The following LSM6 variants were observed in gnomAD, a reference collection of about 807,000 sequenced individuals.
The protein encoded by LSM6 is U6 snRNA-associated Sm-like protein LSm6.
A neutral mutation model predicts 13.5 loss-of-function variants in LSM6; 2 were observed. The ratio of observed to expected loss-of-function variants is 0.15; its 90% confidence interval spans 0.06 to 0.47. The LOEUF (loss-of-function observed/expected upper bound fraction) is 0.47, where lower values mean the gene tolerates loss of function less well. Ranked by LOEUF, LSM6 falls within the 20% of genes least tolerant of loss-of-function variation. The pLI is 0.97. For missense variants in LSM6, 58 were observed against 96.4 expected (o/e 0.60, Z 1.67); for synonymous variants, 43 against 34.9 (o/e 1.23, Z -0.82).
At chr4:146,181,462 A>G (rs1311982494) in intron 1 of LSM6, 2 of 152,218 alleles carry the variant, frequency 1.3e-5, no homozygotes, top group African/African-American at 2.4e-5. Flanking sequence ...TGTTGAGCCC[A>G]GTAACCTAGA....
intron 1 of LSM6, among the ~76,000 whole-genome samples, chr4:146,178,957 A>C (rs1730172344): frequency 6.6e-6 from 1 of 152,208 alleles, no homozygotes; most frequent in Admixed American, 6.5e-5. Context: ...ATTGCTTATG[A>C]ATCTAACTCT....
intron 1 of LSM6, among the ~76,000 whole-genome samples, chr4:146,179,781 TAG>T (rs1453051491): frequency 6.6e-6 from 1 of 152,200 alleles, no homozygotes; most frequent in Non-Finnish European, 1.5e-5. Context: ...CTATGGAAAG[TAG>T]AGAGTGGAAC....
chr4:146,188,660 G>GT (rs1730400019), intron 3 of LSM6, among the ~76,000 whole-genome samples: 1 of 152,154 alleles, frequency 6.6e-6, no homozygotes, highest in Non-Finnish European at 1.5e-5. Flanking sequence ...TTTGGCCAAA[G>GT]TGACCCAAGC....
rs1175580375 is a variant in LSM6, at chr4:146,190,383, T to G, written c.*727T>G. The G allele has an allele frequency of 1.3e-5, 2 of 152,330 alleles. No homozygotes were observed. The highest frequency in any genetic ancestry group is 2.9e-5 in the Non-Finnish European group (2 of 68,128). The allele number at this position is 152,330 out of a possible 1,614,324, so 9.4% of individuals were successfully genotyped here. On this transcript the variant is annotated 3_prime_UTR_variant, in exon 4 of 4. Transcript: ENST00000296581. The stretch of plus-strand genomic sequence containing the variant: ...CCTTTCAGGAGCATTGGCATCAACG[T>G]TATTCTCTCAGTTTATGAACACAGT...
intron 1 of LSM6, among the ~76,000 whole-genome samples, chr4:146,181,495 G>A (rs1358493899): frequency 6.6e-6 from 1 of 152,136 alleles, no homozygotes; most frequent in Non-Finnish European, 1.5e-5. Flanking sequence ...TACAACTGCT[G>A]ATCCCGTGTG....
chr4:146,189,730 T>A lies in LSM6; in HGVS notation c.*74T>A, dbSNP rs1730428562. The A allele has an allele frequency of 2.2e-5, 24 of 1,089,370 alleles. 1 individual carries two copies. In the Middle Eastern group the frequency reaches 6.4e-4, roughly 29 times the overall value. 67.5% of individuals were successfully genotyped at this position (1,089,370 alleles called of 1,614,324 possible). A position where few individuals can be genotyped will look rare whatever the true frequency, so the allele number is the denominator to read the frequency against. ...AATTTTTTCTAATTTTTGCTTCTTTTGTGATACAATTTGTCCTCTTTTTAT... is the reference window on the plus strand; with the variant it reads ...AATTTTTTCTAATTTTTGCTTCTTTAGTGATACAATTTGTCCTCTTTTTAT... On this transcript the variant is annotated 3_prime_UTR_variant, in exon 4 of 4. Coordinates refer to ENST00000296581, the MANE Select transcript of LSM6 (RefSeq NM_007080.3).
chr4:146,188,477 A>G (rs1263593793), intron 3 of LSM6, among the ~76,000 whole-genome samples: 1 of 152,216 alleles, frequency 6.6e-6, no homozygotes, highest in Non-Finnish European at 1.5e-5. Context: ...TGATGTAATC[A>G]GTGACACTCA....
At position 146,187,405 on chromosome 4, in the gene LSM6, T is replaced by C. The variant is rs199699003; in HGVS notation, c.208+18T>C. ...AAACAATGGTAACATTTCTTCGCCCTACAGTACAGCATTCAAAATAAGCCT... is the reference window on the plus strand; with the variant it reads ...AAACAATGGTAACATTTCTTCGCCCCACAGTACAGCATTCAAAATAAGCCT... On this transcript the variant is annotated intron_variant, in intron 3 of 3. Transcript: ENST00000296581. 3.5e-4 allele frequency: 505 copies of C among 1,431,896 alleles called. 4 individuals carry two copies. The African/African-American group carries it at 6.6e-3, about 19-fold the overall frequency. The allele number at this position is 1,431,896 out of a possible 1,614,324, so 88.7% of individuals were successfully genotyped here.
At chr4:146,183,075 A>T in intron 2 of LSM6, 60 bp downstream of exon 2, 2 of 1,233,818 alleles carry the variant, frequency 1.6e-6, no homozygotes, top group African/African-American at 1.5e-5. Context: ...TGACTTACTG[A>T]TATTTATTAA....
intron 1 of LSM6, among the ~76,000 whole-genome samples, chr4:146,182,145 A>C (rs191911402): frequency 2.0e-5 from 3 of 151,156 alleles, no homozygotes; most frequent in Non-Finnish European, 4.4e-5. Context: ...CAGAGTGTTT[A>C]ATCTTTCTGT....
chr4:146,176,996 T>C (rs1011187784), intron 1 of LSM6, among the ~76,000 whole-genome samples: 1 of 151,688 alleles, frequency 6.6e-6, no homozygotes, highest in African/African-American at 2.4e-5. Flanking sequence ...GCTTAAATAT[T>C]GTGCAGAAAT....
At chr4:146,175,867 G>C (rs1405435349) in intron 1 of LSM6, 56 bp downstream of exon 1, 1 of 152,496 alleles carries the variant, frequency 6.6e-6, no homozygotes, top group African/African-American at 2.4e-5. Flanking sequence ...CCCAGGTTCG[G>C]TGCCCCAGTG....
chr4:146,176,298 C>T (rs756076501), intron 1 of LSM6: 5 of 152,268 alleles, frequency 3.3e-5, no homozygotes, highest in Admixed American at 6.5e-5. Context: ...CTGCGCCTGA[C>T]CACAGGAATT....
intron 2 of LSM6, among the ~76,000 whole-genome samples, chr4:146,184,737 T>A (rs569890597): frequency 1.3e-5 from 2 of 152,252 alleles, no homozygotes; most frequent in South Asian, 4.2e-4. Context: ...TCTGTACTCT[T>A]TAGGGAAAAT....
intron 2 of LSM6, among the ~76,000 whole-genome samples, chr4:146,185,647 T>C (rs189529051): frequency 6.2e-4 from 94 of 150,596 alleles, no homozygotes; most frequent in African/African-American, 2.2e-3. Flanking sequence ...GGCAGTTTTT[T>C]TGTTGTTGTT....
chr4:146,186,917 A>G (rs568094892), intron 2 of LSM6, among the ~76,000 whole-genome samples: 9 of 152,382 alleles, frequency 5.9e-5, no homozygotes, highest in Admixed American at 2.0e-4. Flanking sequence ...TTGTTTATGC[A>G]TAATTGCCCA....
chr4:146,176,249 G>C (rs1730105419), intron 1 of LSM6: 1 of 152,278 alleles, frequency 6.6e-6, no homozygotes, highest in African/African-American at 2.4e-5. Flanking sequence ...TTCCAGGAGG[G>C]CTTCAGGGAA....
rs976853477 is a variant in LSM6, at chr4:146,190,892, G to A, written c.*1236G>A. 3.3e-5 allele frequency: 5 copies of A among 152,246 alleles called. No individual in the cohort carries two copies. The highest frequency in any genetic ancestry group is 4.8e-5 in the African/African-American group (2 of 41,442). The allele number at this position is 152,246 out of a possible 1,614,324, so 9.4% of individuals were successfully genotyped here. A position where few individuals can be genotyped will look rare whatever the true frequency, so the allele number is the denominator to read the frequency against. ...ATTCGAAACAACTGCTTGGTTGAAG[G>A]ATGGGGGGCAGGATCGAGAAGGAGA... is the stretch of plus-strand genomic sequence containing the variant. On this transcript the variant is annotated 3_prime_UTR_variant, in exon 4 of 4. Coordinates refer to ENST00000296581, the MANE Select transcript of LSM6 (RefSeq NM_007080.3).
At chr4:146,182,026 ATAGAG>A (rs1722068739) in intron 1 of LSM6, among the ~76,000 whole-genome samples, 1 of 152,122 alleles carries the variant, frequency 6.6e-6, no homozygotes, top group South Asian at 2.1e-4. Flanking sequence ...TATAGTCCTA[ATAGAG>A]TAATTAAAAA....
Sources: gnomAD v4.1 joint callset for allele counts (sites outside exome capture counted in the v4.1 genomes callset) on GRCh38, gnomAD v4.1.1 for gene constraint, MANE v1.5 for transcripts, NCBI Gene and HGNC (gene_info 2026-07-23, HGNC 2026-07-21) for gene names.